The following MMP16 variants were observed in gnomAD, a reference collection of about 807,000 sequenced individuals.
The protein encoded by MMP16 is matrix metalloproteinase-16.
A neutral mutation model predicts 67.8 loss-of-function variants in MMP16; 12 were observed. The ratio of observed to expected loss-of-function variants is 0.18; its 90% CI spans 0.11 to 0.29. The LOEUF (loss-of-function observed/expected upper bound fraction) is 0.29. Ranked by LOEUF, MMP16 falls within the 10% of genes least tolerant of loss-of-function variation. MMP16 has a pLI of 1.00. For synonymous variants in MMP16, 249 were observed against 255.9 expected, an observed-to-expected ratio of 0.97 and a Z score of 0.26; for missense variants, 475 against 765.7, an observed-to-expected ratio of 0.62 and a Z score of 4.48.
chr8:88,229,401 A>G (rs926601031), intron 1 of MMP16, among the ~76,000 whole-genome samples: 12 of 152,122 alleles, frequency 7.9e-5, no homozygotes, highest in Admixed American at 7.2e-4. Context: ...AACAAATCAA[A>G]ACGGGGTATG....
At chr8:88,099,668 T>C (rs1809101095) in intron 6 of MMP16, among the ~76,000 whole-genome samples, 1 of 151,814 alleles carries the variant, frequency 6.6e-6, no homozygotes, top group African/African-American at 2.4e-5. Flanking sequence ...CCAGATTTTT[T>C]CCCCTGTAAT....
At chr8:88,075,964 C>CACACACACACAG (rs1257337229) in intron 6 of MMP16, among the ~76,000 whole-genome samples, 2 of 151,484 alleles carry the variant, frequency 1.3e-5, no homozygotes, top group Non-Finnish European at 2.9e-5. Context: ...CACACACACA[C>CACACACACACAG]ACACACACAC....
At chr8:88,061,127 T>C (rs1021971140) in intron 7 of MMP16, among the ~76,000 whole-genome samples, 22 of 143,066 alleles carry the variant, frequency 1.5e-4, no homozygotes, top group South Asian at 2.3e-4. Flanking sequence ...CTGAATATTA[T>C]ACACACACAC....
intron 6 of MMP16, among the ~76,000 whole-genome samples, chr8:88,093,108 G>A (rs1430454554): frequency 6.6e-6 from 1 of 151,752 alleles, no homozygotes; most frequent in African/African-American, 2.4e-5. Flanking sequence ...TTTTGGTCAG[G>A]GGGACTTTAA....
intron 2 of MMP16, among the ~76,000 whole-genome samples, chr8:88,189,478 C>T (rs1809132213): frequency 6.6e-6 from 1 of 152,120 alleles, no homozygotes; most frequent in East Asian, 1.9e-4. Context: ...ACAGTCTAGT[C>T]TCTTCTACCC....
At position 88,266,353 on chromosome 8, in the gene MMP16, C is replaced by T. The variant is rs576687816; in HGVS notation, c.132+60722G>A. On this transcript the variant is annotated intron_variant, in intron 1 of 9. Transcript: ENST00000286614. ...AGTGAGTATGCTATTTTTTAACATACTTTTCTCAGTTGAAATAAGTCACCT... is the reference window on the plus strand; with the variant it reads ...AGTGAGTATGCTATTTTTTAACATATTTTTCTCAGTTGAAATAAGTCACCT... Among the ~76,000 whole-genome samples, 890 of 152,116 alleles carry T rather than the reference C, an allele frequency of 5.9e-3. 8 individuals carry two copies. The highest frequency in any genetic ancestry group is 0.02 in the African/African-American group (835 of 41,506).
intron 1 of MMP16, among the ~76,000 whole-genome samples, chr8:88,201,048 A>C (rs990239194): frequency 6.6e-6 from 1 of 151,678 alleles, no homozygotes; most frequent in African/African-American, 2.4e-5. Context: ...CAAATGCAAG[A>C]ACAATTTTTA....
At chr8:88,183,712 CTTT>C (rs71277981) in intron 3 of MMP16, among the ~76,000 whole-genome samples, 50 of 92,106 alleles carry the variant, frequency 5.4e-4, no homozygotes, top group Non-Finnish European at 9.1e-4. Flanking sequence ...AAATGTCCTT[CTTT>C]TTTTTTTTTT....
intron 4 of MMP16, among the ~76,000 whole-genome samples, chr8:88,127,695 A>T (rs1807957918): frequency 6.6e-6 from 1 of 151,874 alleles, no homozygotes; most frequent in South Asian, 2.1e-4. Flanking sequence ...TTCATATAGA[A>T]ATATTTCACA....
chr8:88,155,872 A>C lies in MMP16; in HGVS notation c.709+11797T>G, dbSNP rs578070638. ...CTTTTATTCCTGAGTCTTCAAGTAG[A>C]TGTTCCTTTTCCTTGATTCTTCAGT... is the stretch of plus-strand genomic sequence containing the variant. On this transcript the variant is annotated intron_variant, in intron 4 of 9. Transcript: ENST00000286614. 6.6e-5 allele frequency among the ~76,000 whole-genome samples: 10 copies of C among 152,212 alleles called. No homozygotes were observed. The East Asian group carries it at 1.9e-3, about 29-fold the overall frequency.
At chr8:88,146,133 G>T (rs1378526518) in intron 4 of MMP16, among the ~76,000 whole-genome samples, 2 of 151,732 alleles carry the variant, frequency 1.3e-5, no homozygotes, top group African/African-American at 4.8e-5. Context: ...CAATTCAAAT[G>T]CTCCTTTTTG....
At chr8:88,170,343 AC>A (rs1218779709) in intron 3 of MMP16, among the ~76,000 whole-genome samples, 1 of 152,230 alleles carries the variant, frequency 6.6e-6, no homozygotes, top group Admixed American at 6.5e-5. Context: ...ATAAACATCT[AC>A]ACTGAGATAG....
In MMP16 at chr8:88,049,748, G is replaced by C. The variant is rs186909915; in HGVS notation, c.1374-2964C>G. ...AACTTAAAATTTGGACTAGGGCCAG[G>C]TGTGGTGACTCACACCTGTAATCCC... On this transcript the variant is annotated intron_variant, in intron 8 of 9. Transcript: ENST00000286614. 3.3e-3 allele frequency among the ~76,000 whole-genome samples: 507 copies of C among 152,290 alleles called. 2 individuals carry two copies. The highest frequency in any genetic ancestry group is 5.7e-3 in the Non-Finnish European group (385 of 68,020).
chr8:88,090,133 TATATTCCA>T (rs1463897991), intron 6 of MMP16, among the ~76,000 whole-genome samples: 1 of 151,946 alleles, frequency 6.6e-6, no homozygotes, highest in Non-Finnish European at 1.5e-5. Context: ...AAGGGAGAAA[TATATTCCA>T]ATTTTTTGCA....
intron 1 of MMP16, among the ~76,000 whole-genome samples, chr8:88,270,926 A>C (rs1028625875): frequency 6.6e-6 from 1 of 152,230 alleles, no homozygotes; most frequent in African/African-American, 2.4e-5. Context: ...TGAAAATATC[A>C]TGAGTATATC....
intron 3 of MMP16, among the ~76,000 whole-genome samples, chr8:88,175,424 T>A (rs1344366669): frequency 6.6e-6 from 1 of 152,176 alleles, no homozygotes; most frequent in Admixed American, 6.5e-5. Context: ...AAAACAAGAA[T>A]AGAAAATGAT....
chr8:88,216,045 C>T (rs757472645), intron 1 of MMP16, among the ~76,000 whole-genome samples: 8 of 152,118 alleles, frequency 5.3e-5, no homozygotes, highest in Non-Finnish European at 7.4e-5. Flanking sequence ...AGAAGAATTA[C>T]GTATTTTATC....
At chr8:88,316,689 T>A (rs1811379972) in intron 1 of MMP16, among the ~76,000 whole-genome samples, 1 of 152,282 alleles carries the variant, frequency 6.6e-6, no homozygotes, top group South Asian at 2.1e-4. Context: ...TGCTAGCACA[T>A]CCATTTTGCA....
intron 4 of MMP16, among the ~76,000 whole-genome samples, chr8:88,145,714 G>GTATCCCATT (rs1242132322): frequency 6.6e-6 from 1 of 151,940 alleles, no homozygotes; most frequent in Non-Finnish European, 1.5e-5. Context: ...TTCAACAAAT[G>GTATCCCATT]GGATAAAAGC....
Sources: gnomAD v4.1 joint callset for allele counts (sites outside exome capture counted in the v4.1 genomes callset) on GRCh38, gnomAD v4.1.1 for gene constraint, MANE v1.5 for transcripts, NCBI Gene and HGNC (gene_info 2026-07-23, HGNC 2026-07-21) for gene names.